The following NGLY1 variants were observed in gnomAD, a reference collection of about 807,000 sequenced individuals.
NGLY1 encodes the protein N-glycanase 1, also known as peptide-N(4)-(N-acetyl-beta-glucosaminyl)asparagine amidase.
NGLY1 carries 68 observed loss-of-function variants against 84.6 expected under a neutral mutation model. The ratio of observed to expected loss-of-function variants is 0.80; its 90% CI spans 0.66 to 0.98. NGLY1 has a LOEUF of 0.98. Ranked by LOEUF, NGLY1 falls within the 50% of genes least tolerant of loss-of-function variation. The probability of loss-of-function intolerance (pLI) is 0.00; values close to 1 mark genes in which losing one functional copy is unlikely to be tolerated. For synonymous variants in NGLY1, 280 were observed against 275.2 expected (o/e 1.02, Z -0.17); for missense variants, 779 against 770.2 (o/e 1.01, Z -0.14).
chr3:25,783,999 A>G, upstream of NGLY1: 1 of 152,372 alleles, frequency 6.6e-6, no homozygotes, highest in Non-Finnish European at 1.5e-5. This position sits in a 1 kb window ranked among gnomAD's most constrained non-coding sequence, Gnocchi z 4.5. Flanking sequence ...ATTAAGGTGG[A>G]GAAACCGCAT....
chr3:25,734,013 A>G (rs1705690047), intron 7 of NGLY1, 31 bp from the exon 8 acceptor site: 2 of 1,606,082 alleles, frequency 1.2e-6, no homozygotes, highest in Non-Finnish European at 1.7e-6. Flanking sequence ...CAAATACTTA[A>G]CAAGATTACA....
chr3:25,767,945 T>A (rs1707672661), intron 2 of NGLY1, among the ~76,000 whole-genome samples: 1 of 150,474 alleles, frequency 6.6e-6, no homozygotes, highest in South Asian at 2.1e-4. Context: ...AAACCCCGTC[T>A]CTACTAAAAA....
intron 10 of NGLY1, among the ~76,000 whole-genome samples, chr3:25,725,979 C>T (rs984061077): frequency 1.5e-4 from 23 of 152,186 alleles, no homozygotes; most frequent in Non-Finnish European, 3.2e-4. Flanking sequence ...CTTAATTCAC[C>T]ATTACATCAG....
intron 11 of NGLY1, 71 bp from the exon 12 acceptor site, chr3:25,719,706 T>C: frequency 3.2e-6 from 4 of 1,235,662 alleles, no homozygotes; most frequent in Non-Finnish European, 3.4e-6. Flanking sequence ...TTTTGAAATG[T>C]ATTTTATATA....
chr3:25,760,429 G>A (rs549226164), intron 3 of NGLY1, among the ~76,000 whole-genome samples: 7 of 152,168 alleles, frequency 4.6e-5, no homozygotes, highest in Non-Finnish European at 7.4e-5. Flanking sequence ...TTTAACATAC[G>A]CTAAGTATGC....
intron 3 of NGLY1, among the ~76,000 whole-genome samples, chr3:25,751,854 C>A (rs1387576432): frequency 6.6e-6 from 1 of 152,234 alleles, no homozygotes; most frequent in Non-Finnish European, 1.5e-5. Flanking sequence ...CGGCTTCTCC[C>A]TCCTTGTCAC....
intron 3 of NGLY1, among the ~76,000 whole-genome samples, chr3:25,756,318 TA>T (rs1707034070): frequency 6.6e-6 from 1 of 152,222 alleles, no homozygotes; most frequent in South Asian, 2.1e-4. Context: ...TTCCTGGTAA[TA>T]CAGCTCAGTG....
chr3:25,755,506 T>C, intron 3 of NGLY1: 2 of 1,459,392 alleles, frequency 1.4e-6, no homozygotes, highest in Admixed American at 1.7e-5. Context: ...TCCACACCTG[T>C]CAAACCAGTT....
chr3:25,751,825 G>A (rs978875174), intron 3 of NGLY1, among the ~76,000 whole-genome samples: 1 of 152,220 alleles, frequency 6.6e-6, no homozygotes, highest in Non-Finnish European at 1.5e-5. Flanking sequence ...TTGGACTCTG[G>A]AGGAACAGCT....
At chr3:25,770,273 C>A (rs185454807) in intron 2 of NGLY1, among the ~76,000 whole-genome samples, 1 of 152,162 alleles carries the variant, frequency 6.6e-6, no homozygotes, top group South Asian at 2.1e-4. Flanking sequence ...CTCAGCCTCC[C>A]GAGTAGCTGG....
Position 25,751,248 on chromosome 3 carries a change from C to T in NGLY1, c.508G>A (p.Ala170Thr), listed in dbSNP as rs1261759648. The T allele has an allele frequency of 4.5e-6, 7 of 1,572,096 alleles. No individual in the cohort carries two copies. The Admixed American group carries it at 1.3e-4, about 29-fold the overall frequency. Reference sequence around the variant, plus strand: ...TTGGACTGAAGAACTTCTAGAATGGCTGAGTCAGCAGCAACCTAATAGGAA... The same window carrying T: ...TTGGACTGAAGAACTTCTAGAATGGTTGAGTCAGCAGCAACCTAATAGGAA... ...PSASTVAADS[A>T]ILEVLQSNIQ... is the part of the protein sequence containing the mutation. Residue 170 changes from alanine (A) to threonine (T), a missense_variant, in exon 4 of 12, where the codon GCC (alanine) becomes ACC (threonine). Ala to Thr is a moderately conservative substitution (Grantham distance 58). Transcript: ENST00000280700.
intron 8 of NGLY1, among the ~76,000 whole-genome samples, chr3:25,733,465 ACGTGTG>A (rs1179430076): frequency 9.2e-6 from 1 of 108,576 alleles, no homozygotes; most frequent in Non-Finnish European, 1.7e-5. Flanking sequence ...CCTCACATGG[ACGTGTG>A]TGTGTGTGTG....
intron 8 of NGLY1, among the ~76,000 whole-genome samples, chr3:25,733,228 T>C (rs1705631026): frequency 6.6e-6 from 1 of 152,172 alleles, no homozygotes; most frequent in African/African-American, 2.4e-5. Flanking sequence ...CTGGAATCAT[T>C]ATCACTGATT....
intron 2 of NGLY1, among the ~76,000 whole-genome samples, chr3:25,776,711 A>G (rs566417682): frequency 6.6e-6 from 1 of 152,290 alleles, no homozygotes; most frequent in South Asian, 2.1e-4. Flanking sequence ...GCTTAAACCA[A>G]AACATAGGTA....
intron 3 of NGLY1, chr3:25,755,444 C>G (rs1706992281): frequency 2.0e-6 from 3 of 1,464,420 alleles, no homozygotes. Context: ...AGTTTCAACT[C>G]CAATGTCAGT....
At chr3:25,786,602 A>C (rs966962121), upstream of NGLY1, among the ~76,000 whole-genome samples, 3 of 152,202 alleles carry the variant, frequency 2.0e-5, no homozygotes, top group Non-Finnish European at 4.4e-5. Flanking sequence ...AAAATGAGAG[A>C]CCAAGTCCCT....
intron 3 of NGLY1, among the ~76,000 whole-genome samples, chr3:25,756,837 G>A (rs1707060829): frequency 1.3e-5 from 2 of 152,162 alleles, no homozygotes; most frequent in Admixed American, 1.3e-4. Context: ...GTGGCGTGAT[G>A]TGACTTGCAT....
At chr3:25,765,385 G>C (rs1707511380) in intron 2 of NGLY1, among the ~76,000 whole-genome samples, 1 of 151,604 alleles carries the variant, frequency 6.6e-6, no homozygotes, top group Non-Finnish European at 1.5e-5. Context: ...GCTTGAACCT[G>C]GGAGGCAGAG....
chr3:25,751,070 G>A (rs1278601398), intron 4 of NGLY1, 28 bp downstream of exon 4: 2 of 1,585,316 alleles, frequency 1.3e-6, no homozygotes, highest in Admixed American at 1.8e-5. Context: ...TTTACATTTA[G>A]CAATAAATGA....
Sources: allele counts gnomAD v4.1 joint callset (sites outside exome capture counted in the v4.1 genomes callset), GRCh38; gene constraint gnomAD v4.1.1; non-coding constraint Gnocchi (gnomAD v3.1); transcripts MANE v1.5; gene names NCBI Gene and HGNC (gene_info 2026-07-23, HGNC 2026-07-21).